SLFN12: variants seen among roughly 807,000 people sequenced by gnomAD.
SLFN12 encodes the protein schlafen family member 12, also known as ribonuclease SLFN12.
SLFN12 carries 25 observed loss-of-function variants against 29.1 expected under a neutral mutation model. The ratio of observed to expected loss-of-function variants is 0.86; its 90% CI spans 0.63 to 1.20. The LOEUF (loss-of-function observed/expected upper bound fraction) is 1.20. SLFN12 is among the 50% of genes most tolerant of loss of function. The probability of loss-of-function intolerance (pLI) is 0.00; values close to 1 mark genes in which losing one functional copy is unlikely to be tolerated. For missense variants in SLFN12, 660 were observed against 666.2 expected (o/e 0.99, Z 0.10); for synonymous variants, 257 against 238.7 (o/e 1.08, Z -0.71).
At chr17:35,414,251 G>T (rs1234942533) in intron 3 of SLFN12, among the ~76,000 whole-genome samples, 2 of 152,014 alleles carry the variant, frequency 1.3e-5, no homozygotes, top group Non-Finnish European at 2.9e-5. Context: ...ACCAAAAAAT[G>T]ATCAGAACAA....
chr17:35,428,095 TTAGG>T (rs1198839071), intron 1 of SLFN12, among the ~76,000 whole-genome samples: 1 of 152,158 alleles, frequency 6.6e-6, no homozygotes, highest in African/African-American at 2.4e-5. Context: ...AACCTGTGCC[TTAGG>T]TACATAATTA....
Position 35,423,032 on chromosome 17 carries a change from C to T in SLFN12, c.-4G>A. On this transcript the variant is annotated 5_prime_UTR_variant, in exon 2 of 4. Transcript: ENST00000304905. ...CCAAATCAACACTGATGTTCATTTTCCCAGCAGCTATGCAGTGTCCAAGCA... is the reference window on the plus strand; with the variant it reads ...CCAAATCAACACTGATGTTCATTTTTCCAGCAGCTATGCAGTGTCCAAGCA... The T allele has an allele frequency of 1.2e-6, 2 of 1,605,068 alleles. No individual in the cohort carries two copies. The highest frequency in any genetic ancestry group is 1.7e-6 in the Non-Finnish European group (2 of 1,175,514).
chr17:35,431,213 C>T (rs780185020), intron 1 of SLFN12, among the ~76,000 whole-genome samples: 1 of 152,146 alleles, frequency 6.6e-6, no homozygotes, highest in East Asian at 1.9e-4. Flanking sequence ...AGAAACCAAA[C>T]ATTGGTTATA....
chr17:35,425,696 A>G (rs962456519), intron 1 of SLFN12, among the ~76,000 whole-genome samples: 1 of 151,922 alleles, frequency 6.6e-6, no homozygotes, highest in African/African-American at 2.4e-5. Context: ...TTGCTTCCAT[A>G]TCTTGCCTAT....
intron 3 of SLFN12, among the ~76,000 whole-genome samples, chr17:35,413,493 A>AGGC (rs1911150365): frequency 6.6e-6 from 1 of 152,122 alleles, no homozygotes; most frequent in Non-Finnish European, 1.5e-5. Context: ...CACGCCTGTA[A>AGGC]TCCCAGCACT....
At position 35,411,578 on chromosome 17, in the gene SLFN12, G is replaced by T; in HGVS notation, c.1497C>A (p.Tyr499Ter). The change falls in exon 4 of 4, where the codon TAC (tyrosine) becomes TAA (stop). Residue 499 changes from tyrosine (Y) to a stop codon, truncating the protein, a stop_gained. Coordinates refer to ENST00000304905, the MANE Select transcript of SLFN12 (RefSeq NM_018042.5). LOFTEE classifies it low-confidence loss of function (END_TRUNC). ...KKVCVMTKIF[Y>*]LSPEGMTSCQ... ...AGCTTGTCATGCCTTCAGGGCTCAA[G>T]TAGAAGATCTTTGTCATGACACACA... 6.2e-7 allele frequency: 1 copy of T among 1,614,098 alleles called. No individual in the cohort carries two copies. Among genetic ancestry groups the T allele is most frequent in the South Asian group, 1.1e-5 (1 of 91,088 alleles).
chr17:35,413,964 A>G (rs541479742), intron 3 of SLFN12, among the ~76,000 whole-genome samples: 1 of 152,154 alleles, frequency 6.6e-6, no homozygotes, highest in South Asian at 2.1e-4. Flanking sequence ...TTAACCAACT[A>G]GGTATAGAAG....
At position 35,411,843 on chromosome 17, in the gene SLFN12, C is replaced by T; in HGVS notation, c.1232G>A (p.Cys411Tyr). The T allele has an allele frequency of 6.2e-7, 1 of 1,614,016 alleles. No individual in the cohort carries two copies. Residue 411 changes from cysteine to tyrosine, a missense_variant, in exon 4 of 4, where the codon TGT becomes TAT. Physicochemically the swap from Cys to Tyr is radical, Grantham distance 194. Coordinates refer to ENST00000304905, the MANE Select transcript of SLFN12 (RefSeq NM_018042.5). ...LQHEGLKQLICEEMDSVRKGS... is the reference protein window; with the variant it reads ...LQHEGLKQLIYEEMDSVRKGS... ...CTTTCTGACAGAGTCCATTTCTTCACATATTAATTGCTTAAGTCCTTCATG... is the reference window on the plus strand; with the variant it reads ...CTTTCTGACAGAGTCCATTTCTTCATATATTAATTGCTTAAGTCCTTCATG...
Position 35,422,379 on chromosome 17 carries a change from C to T in SLFN12, c.650G>A (p.Arg217Gln). ...ATATTGAGGGAGAATCTCTTTAATT[C>T]GTTGTAACAACTTTTCTGTCGAGAA... Reference protein sequence around the residue: ...KNFSTEKLLQRIKEILPQYVS... With the variant: ...KNFSTEKLLQQIKEILPQYVS... Residue 217 changes from arginine (R) to glutamine (Q), a missense_variant, in exon 2 of 4, where the codon CGA becomes CAA. Transcript: ENST00000304905. 2 of 1,613,932 alleles carry T rather than the reference C, an allele frequency of 1.2e-6. No homozygotes were observed. The highest frequency in any genetic ancestry group is 1.7e-5 in the Admixed American group (1 of 60,006).
At chr17:35,414,528 A>T (rs2083822) in intron 3 of SLFN12, among the ~76,000 whole-genome samples, 6,976 of 152,142 alleles carry the variant, frequency 0.046, 256 homozygotes, top group East Asian at 0.16. Context: ...AAATGTCCAC[A>T]CTACCCAAAG....
At chr17:35,414,988 T>C (rs1166956425) in intron 3 of SLFN12, among the ~76,000 whole-genome samples, 1 of 151,472 alleles carries the variant, frequency 6.6e-6, no homozygotes, top group African/African-American at 2.4e-5. Flanking sequence ...ACCATCATCA[T>C]TCTTCGCAGA....
chr17:35,428,649 G>A (rs945992902), intron 1 of SLFN12, among the ~76,000 whole-genome samples: 1 of 151,990 alleles, frequency 6.6e-6, no homozygotes, highest in African/African-American at 2.4e-5. Flanking sequence ...TATGACCCAG[G>A]GAGATTCCAA....
chr17:35,431,603 C>T (rs1392570749), intron 1 of SLFN12, among the ~76,000 whole-genome samples: 4 of 152,134 alleles, frequency 2.6e-5, no homozygotes, highest in Admixed American at 6.5e-5. Context: ...GAGCGTCAGA[C>T]GTCTCTGACC....
rs1165591166 is a variant in SLFN12 at position 35,411,892 on chromosome 17, G to C, written c.1183C>G (p.Leu395Val). 1 of 1,612,018 alleles carries C rather than the reference G, an allele frequency of 6.2e-7. No homozygotes were observed. Among genetic ancestry groups the C allele is most frequent in the East Asian group, 2.2e-5 (1 of 44,882 alleles). Reference protein sequence around the residue: ...SGRITYTPENLCRKLFLQHEG... With the variant: ...SGRITYTPENVCRKLFLQHEG... Reference sequence around the variant, plus strand: ...TGTTGTAAGAACAGTTTTCTGCAAAGGTTTTCTGGAGTATACGTTATCCTT... The same window carrying C: ...TGTTGTAAGAACAGTTTTCTGCAAACGTTTTCTGGAGTATACGTTATCCTT... Residue 395 changes from leucine (L) to valine (V), a missense_variant, in exon 4 of 4, where the codon CTT becomes GTT. Leu to Val is a conservative substitution (Grantham distance 32, BLOSUM62 1). Transcript: ENST00000304905.
intron 3 of SLFN12, among the ~76,000 whole-genome samples, chr17:35,414,839 A>G (rs1295268194): frequency 6.6e-6 from 1 of 152,158 alleles, no homozygotes; most frequent in Non-Finnish European, 1.5e-5. Context: ...AAGGAAAACC[A>G]CAAAACACTG....
intron 1 of SLFN12, among the ~76,000 whole-genome samples, chr17:35,429,134 A>G (rs1429204495): frequency 2.6e-5 from 4 of 152,078 alleles, no homozygotes; most frequent in Admixed American, 6.5e-5. Context: ...CACTGTCTAC[A>G]TCAGGCTGGG....
intron 1 of SLFN12, among the ~76,000 whole-genome samples, chr17:35,426,849 T>C (rs1912046911): frequency 6.6e-6 from 1 of 152,182 alleles, no homozygotes; most frequent in Admixed American, 6.5e-5. Context: ...TTGATTCCTC[T>C]ACATACATGC....
chr17:35,427,401 G>A (rs1389879129), intron 1 of SLFN12, among the ~76,000 whole-genome samples: 4 of 151,958 alleles, frequency 2.6e-5, no homozygotes, highest in Non-Finnish European at 5.9e-5. Context: ...TATATTAAAC[G>A]CAATTCGATA....
intron 2 of SLFN12, 147 bp from the exon 3 acceptor site, chr17:35,420,528 G>A: frequency 1.9e-6 from 1 of 522,070 alleles, no homozygotes; most frequent in Non-Finnish European, 3.3e-6. Flanking sequence ...TAGATTCTTA[G>A]GTCAGATACA....
Sources: allele counts gnomAD v4.1 joint callset (sites outside exome capture counted in the v4.1 genomes callset), GRCh38; gene constraint gnomAD v4.1.1; transcripts MANE v1.5; gene names NCBI Gene and HGNC (gene_info 2026-07-23, HGNC 2026-07-21).